Variants in HRH1 observed in about 807,000 individuals in gnomAD.
The protein encoded by HRH1 is histamine H1 receptor.
In HRH1, 6 loss-of-function variants were observed where a neutral mutation model predicts 10.3. The ratio of observed to expected loss-of-function variants is 0.58; its 90% confidence interval spans 0.32 to 1.15. The LOEUF is 1.15. HRH1 is among the 50% of genes most tolerant of loss of function. The pLI, the probability that HRH1 is intolerant of heterozygous loss-of-function variation, is 0.05. For missense variants in HRH1, 514 were observed against 615.3 expected (o/e 0.84, Z 1.74); for synonymous variants, 242 against 236.7 (o/e 1.02, Z -0.21).
chr3:11,212,734 T>C (rs542868913), intron 1 of HRH1, among the ~76,000 whole-genome samples: 18 of 152,324 alleles, frequency 1.2e-4, no homozygotes, highest in South Asian at 8.3e-4. Context: ...TAGTATAGCA[T>C]AGCAATTAAG....
intron 1 of HRH1, among the ~76,000 whole-genome samples, chr3:11,157,754 T>C (rs1254848614): frequency 6.6e-6 from 1 of 152,208 alleles, no homozygotes; most frequent in Non-Finnish European, 1.5e-5. Flanking sequence ...GCAAGGGCCA[T>C]TGAAACTTGT....
chr3:11,238,911 T>G (rs183022320), intron 1 of HRH1, among the ~76,000 whole-genome samples: 12 of 152,360 alleles, frequency 7.9e-5, no homozygotes, highest in Admixed American at 7.2e-4. Flanking sequence ...CAAAATCCAT[T>G]CACCAGTTGA....
Position 11,154,982 on chromosome 3 carries a change from A to T in HRH1, c.-36+428A>T, listed in dbSNP as rs948036584. 6.6e-6 allele frequency among the ~76,000 whole-genome samples: 1 copy of T among 152,152 alleles called. No individual in the cohort carries two copies. The highest frequency in any genetic ancestry group is 1.5e-5 in the Non-Finnish European group (1 of 68,022). ...CTGTGCCAGGCTTTGGGCATCCATT[A>T]TCTGTTGCAATATTGTTATACTCAT... is the stretch of plus-strand genomic sequence containing the variant. On this transcript the variant is annotated intron_variant, in intron 1 of 1. Coordinates refer to ENST00000431010, the MANE Select transcript of HRH1 (RefSeq NM_001098212.2). This position sits in a 1 kb window ranked among gnomAD's most constrained non-coding sequence, Gnocchi z 4.4.
chr3:11,258,415 C>A (rs1484123482), intron 1 of HRH1, among the ~76,000 whole-genome samples: 14 of 152,202 alleles, frequency 9.2e-5, no homozygotes, highest in African/African-American at 3.4e-4. Flanking sequence ...AGATGACTCT[C>A]ATGGCCTCAA....
Position 11,259,998 on chromosome 3 carries a change from T to A in HRH1, c.961T>A (p.Tyr321Asn), listed in dbSNP as rs760044224. ...QAAAEGSSRD[Y>N]VAVNRSHGQL... ...TGCGGCAGAGGGGAGTAGCAGGGACTATGTAGCCGTCAACCGGAGCCATGG... is the reference window on the plus strand; with the variant it reads ...TGCGGCAGAGGGGAGTAGCAGGGACAATGTAGCCGTCAACCGGAGCCATGG... Residue 321 changes from tyrosine to asparagine, a missense_variant, in exon 2 of 2, where the codon TAT becomes AAT. By Grantham distance (143) the Tyr-to-Asn change is moderately radical. Transcript: ENST00000431010. The surrounding 1 kb of genome is among the most constrained non-coding windows in gnomAD (Gnocchi z 4.6). 1.9e-6 allele frequency: 3 copies of A among 1,614,146 alleles called. No individual in the cohort carries two copies. Among genetic ancestry groups the A allele is most frequent in the South Asian group, 2.2e-5 (2 of 91,078 alleles).
At chr3:11,219,958 T>TG (rs1274302132) in intron 1 of HRH1, among the ~76,000 whole-genome samples, 3 of 150,610 alleles carry the variant, frequency 2.0e-5, no homozygotes, top group African/African-American at 4.9e-5. Context: ...TTGTTTTTTT[T>TG]TTTTTTTTTT....
intron 1 of HRH1, among the ~76,000 whole-genome samples, chr3:11,254,462 T>G (rs1257069768): frequency 6.6e-6 from 1 of 152,252 alleles, no homozygotes; most frequent in Non-Finnish European, 1.5e-5. Flanking sequence ...ACCTCCAGGA[T>G]GTCCTGACCA....
chr3:11,199,902 G>A (rs1404783535), intron 1 of HRH1, among the ~76,000 whole-genome samples: 1 of 152,104 alleles, frequency 6.6e-6, no homozygotes, highest in Non-Finnish European at 1.5e-5. Context: ...ATCTTGTTCA[G>A]GTAACTACCC....
chr3:11,138,672 A>G (rs28848936), intron 1 of HRH1, among the ~76,000 whole-genome samples: 45,214 of 151,626 alleles, frequency 0.3, 7,279 homozygotes, highest in Admixed American at 0.46. Context: ...ATCTGTTCAC[A>G]CAAAAACTTG....
At chr3:11,216,827 C>A (rs1938515538) in intron 1 of HRH1, among the ~76,000 whole-genome samples, 1 of 151,712 alleles carries the variant, frequency 6.6e-6, no homozygotes, top group Non-Finnish European at 1.5e-5. Context: ...TTGCAGGGAG[C>A]CGAGGTTGTA....
chr3:11,227,940 C>T (rs1049457153), intron 1 of HRH1, among the ~76,000 whole-genome samples: 1 of 152,144 alleles, frequency 6.6e-6, no homozygotes, highest in South Asian at 2.1e-4. Context: ...ATATCAAAAA[C>T]GAGGGGAGAA....
chr3:11,233,810 G>A (rs71316457), intron 1 of HRH1, among the ~76,000 whole-genome samples: 3 of 152,166 alleles, frequency 2.0e-5, no homozygotes, highest in Non-Finnish European at 4.4e-5. Context: ...TGCTAGTAGA[G>A]GCCCCACCCC....
rs1939938095 is a variant in HRH1, at chr3:11,260,916, T to C, written c.*415T>C. 1 of 185,124 alleles carries C rather than the reference T, an allele frequency of 5.4e-6. No individual in the cohort carries two copies. Among genetic ancestry groups the C allele is most frequent in the Non-Finnish European group, 1.3e-5 (1 of 78,796 alleles). The allele number at this position is 185,124 out of a possible 1,614,324, so 11.5% of individuals were successfully genotyped here. On this transcript the variant is annotated 3_prime_UTR_variant, in exon 2 of 2. Coordinates refer to ENST00000431010, the MANE Select transcript of HRH1 (RefSeq NM_001098212.2). The stretch of plus-strand genomic sequence containing the variant: ...AAGAGACACGTGGCTAGGGTTCCAC[T>C]GGAGAATTGAAAAGGACTCTTGAGC...
chr3:11,172,237 G>A (rs752396667), intron 1 of HRH1, among the ~76,000 whole-genome samples: 2 of 152,244 alleles, frequency 1.3e-5, no homozygotes, highest in Non-Finnish European at 2.9e-5. Context: ...TGCCAGCGGT[G>A]AGGGAGTGGC....
At chr3:11,167,295 C>T (rs911923382) in intron 1 of HRH1, among the ~76,000 whole-genome samples, 2 of 129,796 alleles carry the variant, frequency 1.5e-5, no homozygotes, top group East Asian at 2.5e-4. Flanking sequence ...TCTCCAGGCC[C>T]GTGACATCTG....
At chr3:11,180,012 C>G (rs1164779696) in intron 1 of HRH1, among the ~76,000 whole-genome samples, 1 of 152,104 alleles carries the variant, frequency 6.6e-6, no homozygotes, top group Non-Finnish European at 1.5e-5. Context: ...ATCCTCCTGC[C>G]TTGGCCTCCC....
intron 1 of HRH1, among the ~76,000 whole-genome samples, chr3:11,181,627 C>CTTTTTT (rs35710248): frequency 5.3e-4 from 60 of 113,158 alleles, no homozygotes; most frequent in African/African-American, 1.8e-3. Context: ...ATCCCTTGCT[C>CTTTTTT]TTTTTTTTTT....
At chr3:11,195,581 A>AC (rs1559266595) in intron 1 of HRH1, among the ~76,000 whole-genome samples, 1 of 152,194 alleles carries the variant, frequency 6.6e-6, no homozygotes, top group African/African-American at 2.4e-5. Flanking sequence ...TCATGACAGT[A>AC]TTGGATGAAA....
intron 1 of HRH1, among the ~76,000 whole-genome samples, chr3:11,156,906 G>A (rs1206771930): frequency 2.6e-5 from 4 of 152,202 alleles, no homozygotes; most frequent in Non-Finnish European, 5.9e-5. Context: ...TGTAATGTGT[G>A]CCCCAAAGTC....
Sources: gnomAD v4.1 joint callset for allele counts (sites outside exome capture counted in the v4.1 genomes callset) on GRCh38, gnomAD v4.1.1 for gene constraint, Gnocchi (gnomAD v3.1) non-coding constraint, MANE v1.5 for transcripts, NCBI Gene and HGNC (gene_info 2026-07-23, HGNC 2026-07-21) for gene names.